Variants in NRIP1 observed in about 807,000 individuals in gnomAD.
The protein encoded by NRIP1 is nuclear receptor interacting protein 1, also known as nuclear receptor-interacting protein 1.
A neutral mutation model predicts 75.0 loss-of-function variants in NRIP1; 28 were observed. That is an observed-to-expected ratio of 0.37 (90% CI 0.28 to 0.51). NRIP1 has a LOEUF of 0.51. Ranked by LOEUF, NRIP1 falls within the 20% of genes least tolerant of loss-of-function variation. The probability of loss-of-function intolerance (pLI) is 0.92; values close to 1 mark genes in which losing one functional copy is unlikely to be tolerated. For missense variants in NRIP1, 1,435 were observed against 1,343.7 expected, an observed-to-expected ratio of 1.07 and a Z score of -1.06; for synonymous variants, 526 against 487.6, an observed-to-expected ratio of 1.08 and a Z score of -1.04.
chr21:15,054,478 C>T (rs1203240075), intron 1 of NRIP1, among the ~76,000 whole-genome samples: 1 of 152,064 alleles, frequency 6.6e-6, no homozygotes, highest in African/African-American at 2.4e-5. Context: ...TTTCAAGTAC[C>T]AATTAATTAT....
intron 3 of NRIP1, among the ~76,000 whole-genome samples, chr21:14,972,626 T>C (rs1237236567): frequency 6.6e-6 from 1 of 152,188 alleles, no homozygotes; most frequent in African/African-American, 2.4e-5. Context: ...TACCTAAAAG[T>C]CAACACACAT....
chr21:15,013,745 A>T lies in NRIP1; in HGVS notation c.-335+599T>A, dbSNP rs573568200. ...GTTGCTCTGCCCACCTACTTGTGTT[A>T]ATTTAATCCAATTACTTTATCATTT... On this transcript the variant is annotated intron_variant, in intron 3 of 3. Transcript: ENST00000318948. Among the ~76,000 whole-genome samples, 240 of 152,312 alleles carry T rather than the reference A, an allele frequency of 1.6e-3. 1 individual carries two copies. Among genetic ancestry groups the T allele is most frequent in the African/African-American group, 5.7e-3 (236 of 41,590 alleles).
intron 2 of NRIP1, among the ~76,000 whole-genome samples, chr21:15,034,557 CA>C (rs1415277186): frequency 6.6e-6 from 1 of 152,114 alleles, no homozygotes; most frequent in Non-Finnish European, 1.5e-5. Flanking sequence ...ATAGTTCAAA[CA>C]AATTCAGAAA....
chr21:14,993,143 G>T lies in NRIP1; in HGVS notation c.-335+21201C>A, dbSNP rs143871704. ...CAAAGGGAAACCTTGTATTTTGCAT[G>T]GCTATGTAGTTATACCTTTGTGTTA... is the stretch of plus-strand genomic sequence containing the variant. On this transcript the variant is annotated intron_variant, in intron 3 of 3. Transcript: ENST00000318948. Among the ~76,000 whole-genome samples, 319 of 152,044 alleles carry T rather than the reference G, an allele frequency of 2.1e-3. 3 individuals carry two copies. The highest frequency in any genetic ancestry group is 7.5e-3 in the African/African-American group (309 of 41,468).
At chr21:15,036,001 A>G (rs2088824916) in intron 2 of NRIP1, among the ~76,000 whole-genome samples, 1 of 152,206 alleles carries the variant, frequency 6.6e-6, no homozygotes, top group African/African-American at 2.4e-5. Flanking sequence ...GAGTATCACT[A>G]TTAATACAAA....
At chr21:14,990,764 C>T (rs2087548071) in intron 3 of NRIP1, among the ~76,000 whole-genome samples, 1 of 152,136 alleles carries the variant, frequency 6.6e-6, no homozygotes, top group Non-Finnish European at 1.5e-5. Context: ...CCTCAGAGGG[C>T]TAGATGGCAA....
intron 1 of NRIP1, among the ~76,000 whole-genome samples, chr21:15,043,888 G>A (rs368971666): frequency 2.0e-5 from 3 of 152,014 alleles, no homozygotes; most frequent in East Asian, 1.9e-4. Flanking sequence ...GCGTGATCTC[G>A]GCTCACTGCA....
rs1007406260 is a variant in NRIP1 at position 14,996,860 on chromosome 21, A to T, written c.-335+17484T>A. ...TAAATAAATATATATAATTATTTAA[A>T]TTATAAACCAAATAAAGATGCTTAC... On this transcript the variant is annotated intron_variant, in intron 3 of 3. Coordinates refer to ENST00000318948, the MANE Select transcript of NRIP1 (RefSeq NM_003489.4). Among the ~76,000 whole-genome samples, 8 of 151,896 alleles carry T rather than the reference A, an allele frequency of 5.3e-5. No homozygotes were observed. The East Asian group carries it at 1.3e-3, about 26-fold the overall frequency.
At chr21:15,018,194 A>G (rs2088281225) in intron 2 of NRIP1, among the ~76,000 whole-genome samples, 1 of 152,224 alleles carries the variant, frequency 6.6e-6, no homozygotes, top group Admixed American at 6.5e-5. Context: ...TCAAAGATCC[A>G]TTTATTTAAT....
In NRIP1 at chr21:15,050,890, G is replaced by A. The variant is rs1433463707; in HGVS notation, c.-537-7316C>T. The A allele has an allele frequency of 6.6e-6, 3 of 455,882 alleles. No homozygotes were observed. The Admixed American group carries it at 7.1e-5, about 11-fold the overall frequency. 28.2% of individuals were successfully genotyped at this position (455,882 alleles called of 1,614,324 possible). On this transcript the variant is annotated intron_variant, in intron 1 of 3. Transcript: ENST00000318948. The stretch of plus-strand genomic sequence containing the variant: ...ATATTCCCCTGCCTGGTATCTACCA[G>A]GCAAACTAGGGATCACTCTTACAGT...
At chr21:15,027,072 T>C (rs187292349) in intron 2 of NRIP1, among the ~76,000 whole-genome samples, 21 of 152,284 alleles carry the variant, frequency 1.4e-4, no homozygotes, top group African/African-American at 4.8e-4. Context: ...ATCCGAAGAC[T>C]TCATACAGAA....
At chr21:15,047,284 G>A (rs1229119113) in intron 1 of NRIP1, among the ~76,000 whole-genome samples, 2 of 146,314 alleles carry the variant, frequency 1.4e-5, no homozygotes, top group Admixed American at 1.3e-4. Context: ...GCTCACGCCT[G>A]TAATTCCAGC....
chr21:15,051,458 GA>G (rs2089201175), intron 1 of NRIP1: 1 of 153,120 alleles, frequency 6.5e-6, no homozygotes, highest in Non-Finnish European at 1.5e-5. Context: ...CAATGTGACT[GA>G]AACTGTAAGG....
At position 14,968,379 on chromosome 21, in the gene NRIP1, C is replaced by T. The variant is rs897229196; in HGVS notation, c.-187G>A. The T allele has an allele frequency of 1.7e-6, 1 of 585,682 alleles. No homozygotes were observed. Among genetic ancestry groups the T allele is most frequent in the Non-Finnish European group, 3.1e-6 (1 of 324,942 alleles). The allele number at this position is 585,682 out of a possible 1,614,324, so 36.3% of individuals were successfully genotyped here. The stretch of plus-strand genomic sequence containing the variant: ...CAATGACAAGATAAATGCAGTCTGA[C>T]CACAGTGCTGATCAACTTCTACGCA... On this transcript the variant is annotated 5_prime_UTR_variant, in exon 4 of 4. Coordinates refer to ENST00000318948, the MANE Select transcript of NRIP1 (RefSeq NM_003489.4).
chr21:14,968,234 T>C lies in NRIP1; in HGVS notation c.-42A>G, dbSNP rs200310790. 42 of 1,417,998 alleles carry C rather than the reference T, an allele frequency of 3.0e-5. No individual in the cohort carries two copies. The South Asian group carries it at 4.1e-4, about 14-fold the overall frequency. 87.8% of individuals were successfully genotyped at this position (1,417,998 alleles called of 1,614,324 possible). ...CACAAGGGCTTGGTTTCTATTCACT[T>C]TAAAGAATGGTTTTCTGTGGTGAGT... On this transcript the variant is annotated 5_prime_UTR_variant, in exon 4 of 4. Coordinates refer to ENST00000318948, the MANE Select transcript of NRIP1 (RefSeq NM_003489.4).
At chr21:14,993,151 AGTTATACCTTTGT>A (rs1024017616) in intron 3 of NRIP1, among the ~76,000 whole-genome samples, 3 of 151,980 alleles carry the variant, frequency 2.0e-5, no homozygotes, top group Admixed American at 2.0e-4. Context: ...ATGGCTATGT[AGTTATACCTTTGT>A]GTTATCAGTG....
At chr21:15,036,115 T>G (rs1317339167) in intron 2 of NRIP1, among the ~76,000 whole-genome samples, 2 of 152,194 alleles carry the variant, frequency 1.3e-5, no homozygotes, top group East Asian at 3.8e-4. Flanking sequence ...CTTTCAGAAT[T>G]TTTGTTTGTG....
chr21:15,001,787 G>T (rs903573685), intron 3 of NRIP1, among the ~76,000 whole-genome samples: 44 of 151,946 alleles, frequency 2.9e-4, no homozygotes, highest in Non-Finnish European at 5.4e-4. Flanking sequence ...ATGTACTGAA[G>T]ATAATTTAAA....
chr21:15,028,709 A>T (rs2088578390), intron 2 of NRIP1, among the ~76,000 whole-genome samples: 1 of 152,198 alleles, frequency 6.6e-6, no homozygotes, highest in African/African-American at 2.4e-5. Context: ...ATGGAACATA[A>T]AATATCCACT....
Sources: gnomAD v4.1 joint callset for allele counts (sites outside exome capture counted in the v4.1 genomes callset) on GRCh38, gnomAD v4.1.1 for gene constraint, MANE v1.5 for transcripts, NCBI Gene and HGNC (gene_info 2026-07-23, HGNC 2026-07-21) for gene names.